TESK2: variants seen among roughly 807,000 people sequenced by gnomAD.
The protein encoded by TESK2 is testis associated actin remodelling kinase 2, also known as dual specificity testis-specific protein kinase 2.
In TESK2, 39 loss-of-function variants were observed where a neutral mutation model predicts 57.1. That is an observed-to-expected ratio of 0.68 (90% CI 0.53 to 0.89). The LOEUF (loss-of-function observed/expected upper bound fraction) is 0.89. Among genes scored for constraint, TESK2 ranks in the 40% least tolerant of loss-of-function variants. The probability of loss-of-function intolerance (pLI) is 0.00; values close to 1 mark genes in which losing one functional copy is unlikely to be tolerated. For missense variants in TESK2, 646 were observed against 732.1 expected (o/e 0.88, Z 1.36); for synonymous variants, 249 against 267.9 (o/e 0.93, Z 0.69).
intron 3 of TESK2, among the ~76,000 whole-genome samples, chr1:45,399,865 G>T (rs1472022988): frequency 2.0e-5 from 3 of 152,116 alleles, no homozygotes; most frequent in Non-Finnish European, 4.4e-5. Context: ...GGAAGAAAAT[G>T]AAAACTTTTA....
At position 45,457,890 on chromosome 1, in the gene TESK2, T is replaced by A. The variant is rs1228565435; in HGVS notation, c.-86-19A>T. On this transcript the variant is annotated intron_variant, in intron 1 of 10. Transcript: ENST00000372086. ...TTTGACACTAAAGAGATCAAAAAAA[T>A]TTCCACTGAAATCTTTAATGAATAA... 8 of 897,458 alleles carry A rather than the reference T, an allele frequency of 8.9e-6. No individual in the cohort carries two copies. Among genetic ancestry groups the A allele is most frequent in the Non-Finnish European group, 1.2e-5 (7 of 591,368 alleles). The allele number at this position is 897,458 out of a possible 1,614,324, so 55.6% of individuals were successfully genotyped here.
chr1:45,458,188 G>A (rs964744225), intron 1 of TESK2, among the ~76,000 whole-genome samples: 9 of 152,114 alleles, frequency 5.9e-5, no homozygotes, highest in Non-Finnish European at 1.3e-4. Context: ...ACATCATCTC[G>A]TTTGATTCTC....
At chr1:45,402,394 TAAAAAAA>T (rs538809925) in intron 3 of TESK2, among the ~76,000 whole-genome samples, 1 of 115,582 alleles carries the variant, frequency 8.7e-6, no homozygotes, top group Non-Finnish European at 1.8e-5. Context: ...ATCTTGTCTT[TAAAAAAA>T]AAAAAAAAAG....
rs141426393 is a variant in TESK2 at position 45,364,300 on chromosome 1, G to A, written c.394-8851C>T. ...GTAGGGCAGGCCCTTAATCCAATAC[G>A]ACTGGAATCCTTATAAAAAGAGTGG... On this transcript the variant is annotated intron_variant, in intron 4 of 10. Coordinates refer to ENST00000372086, the MANE Select transcript of TESK2 (RefSeq NM_007170.3). Among the ~76,000 whole-genome samples the A allele has an allele frequency of 2.1e-3, 321 of 152,282 alleles. 1 individual carries two copies. Among genetic ancestry groups the A allele is most frequent in the African/African-American group, 6.9e-3 (285 of 41,556 alleles).
intron 2 of TESK2, among the ~76,000 whole-genome samples, chr1:45,424,324 G>A (rs1461429469): frequency 6.6e-6 from 1 of 152,110 alleles, no homozygotes; most frequent in Non-Finnish European, 1.5e-5. Context: ...GGCTGTTGAG[G>A]GGGAGGCCGG....
intron 3 of TESK2, among the ~76,000 whole-genome samples, chr1:45,396,803 T>TC (rs1649381012): frequency 7.3e-6 from 1 of 136,648 alleles, no homozygotes. Context: ...ATCAGCTAAG[T>TC]TGTTTTTTTT....
chr1:45,362,322 C>T (rs1647722175), intron 4 of TESK2, among the ~76,000 whole-genome samples: 1 of 152,214 alleles, frequency 6.6e-6, no homozygotes, highest in African/African-American at 2.4e-5. Flanking sequence ...AATTCAGGCA[C>T]AGACAAGCAC....
At chr1:45,484,908 G>A (rs1653393558) in intron 1 of TESK2, among the ~76,000 whole-genome samples, 2 of 151,308 alleles carry the variant, frequency 1.3e-5, no homozygotes, top group Admixed American at 6.6e-5. Flanking sequence ...GCGGGCGCCT[G>A]TAGTCCCAGC....
chr1:45,460,245 G>T (rs1652277552), intron 1 of TESK2, among the ~76,000 whole-genome samples: 1 of 152,012 alleles, frequency 6.6e-6, no homozygotes, highest in African/African-American at 2.4e-5. Flanking sequence ...GCTAGGCATG[G>T]TGACTCACGC....
At position 45,347,622 on chromosome 1, in the gene TESK2, G is replaced by A. The variant is rs561258879; in HGVS notation, c.695C>T (p.Pro232Leu). 6.2e-7 allele frequency: 1 copy of A among 1,613,906 alleles called. No individual in the cohort carries two copies. The highest frequency in any genetic ancestry group is 1.3e-5 in the African/African-American group (1 of 74,996). ...CTCCAAACTTACCTTTTCATTATAG[G>A]GCTCATCTCGGAGAACCTCAGGTGC... ...WMAPEVLRDE[P>L]YNEKADVFSY... Residue 232 changes from proline to leucine, a missense_variant, in exon 7 of 11, where the codon CCC becomes CTC. By Grantham distance (98) the Pro-to-Leu change is moderately conservative (BLOSUM62 -3). Transcript: ENST00000372086.
intron 2 of TESK2, among the ~76,000 whole-genome samples, chr1:45,445,817 G>C (rs879836815): frequency 6.6e-6 from 1 of 151,508 alleles, no homozygotes; most frequent in Non-Finnish European, 1.5e-5. Flanking sequence ...AAACCATGAA[G>C]AAGTACCAGT....
intron 1 of TESK2, among the ~76,000 whole-genome samples, chr1:45,462,549 G>A (rs555004077): frequency 4.1e-4 from 63 of 152,316 alleles, no homozygotes; most frequent in South Asian, 1.9e-3. Context: ...TGAGATTACA[G>A]GCGTGAGCCA....
chr1:45,368,055 C>A (rs1416338537), intron 4 of TESK2, among the ~76,000 whole-genome samples: 34 of 133,170 alleles, frequency 2.6e-4, no homozygotes, highest in East Asian at 1.9e-3. Context: ...AGTGCAATGG[C>A]GCGATCTTGG....
chr1:45,457,438 G>C lies in TESK2; in HGVS notation c.222+126C>G. ...ATAAATAGCTTGAAAGGAGAATTTAGAACAGTGTTCAAGATCCACAGCACC... is the reference window on the plus strand; with the variant it reads ...ATAAATAGCTTGAAAGGAGAATTTACAACAGTGTTCAAGATCCACAGCACC... On this transcript the variant is annotated intron_variant, in intron 2 of 10. Coordinates refer to ENST00000372086, the MANE Select transcript of TESK2 (RefSeq NM_007170.3). 1.1e-5 allele frequency: 9 copies of C among 797,252 alleles called. No homozygotes were observed. The South Asian group carries it at 1.6e-4, about 14-fold the overall frequency. The allele number at this position is 797,252 out of a possible 1,614,324, so 49.4% of individuals were successfully genotyped here. A position where few individuals can be genotyped will look rare whatever the true frequency, so the allele number is the denominator to read the frequency against.
At chr1:45,486,658 G>A (rs1653486732) in intron 1 of TESK2, among the ~76,000 whole-genome samples, 1 of 149,200 alleles carries the variant, frequency 6.7e-6, no homozygotes. Context: ...CTGGGTGACA[G>A]AGCAAGACCC....
chr1:45,440,269 G>A (rs1651389462), intron 2 of TESK2, among the ~76,000 whole-genome samples: 1 of 151,844 alleles, frequency 6.6e-6, no homozygotes, highest in Admixed American at 6.6e-5. Flanking sequence ...CCCAAAAAAA[G>A]GTATCATTGC....
At chr1:45,418,269 AT>A (rs1223846617) in intron 3 of TESK2, among the ~76,000 whole-genome samples, 1 of 152,220 alleles carries the variant, frequency 6.6e-6, no homozygotes, top group Non-Finnish European at 1.5e-5. Context: ...CATCTTAAAA[AT>A]TCCTAAGCAG....
At chr1:45,388,293 C>CTAA (rs1446195407) in intron 3 of TESK2, among the ~76,000 whole-genome samples, 1 of 152,128 alleles carries the variant, frequency 6.6e-6, no homozygotes, top group Non-Finnish European at 1.5e-5. Context: ...TCTAGTCAGC[C>CTAA]TCTTTTAGAA....
intron 1 of TESK2, among the ~76,000 whole-genome samples, chr1:45,485,321 G>T (rs1343791962): frequency 6.7e-6 from 1 of 150,292 alleles, no homozygotes; most frequent in Non-Finnish European, 1.5e-5. Context: ...CTGAGTAGCT[G>T]GGACGACATA....
Sources: allele counts gnomAD v4.1 joint callset (sites outside exome capture counted in the v4.1 genomes callset), GRCh38; gene constraint gnomAD v4.1.1; transcripts MANE v1.5; gene names NCBI Gene and HGNC (gene_info 2026-07-23, HGNC 2026-07-21).